SGCD: variants seen among roughly 807,000 people sequenced by gnomAD.
SGCD encodes sarcoglycan delta.
Under a neutral mutation model 36.6 loss-of-function variants are expected in SGCD, and 18 were observed. The observed-to-expected ratio is 0.49, with a 90% CI of 0.34 to 0.73. SGCD has a LOEUF of 0.73. Among genes scored for constraint, SGCD ranks in the 30% least tolerant of loss-of-function variants. The pLI, the probability that SGCD is intolerant of heterozygous loss-of-function variation, is 0.01. For synonymous variants in SGCD, 133 were observed against 130.6 expected, an observed-to-expected ratio of 1.02 and a Z score of -0.12; for missense variants, 387 against 346.7, an observed-to-expected ratio of 1.12 and a Z score of -0.92.
intron 1 of SGCD, among the ~76,000 whole-genome samples, chr5:156,000,799 C>CACATATATATATAT (rs1554110713): frequency 6.9e-6 from 1 of 145,212 alleles, no homozygotes; most frequent in African/African-American, 2.7e-5. Context: ...TTTCCTCACA[C>CACATATATATATAT]ATATATATAT....
intron 3 of SGCD, among the ~76,000 whole-genome samples, chr5:156,381,794 C>T (rs1379078429): frequency 6.6e-6 from 1 of 152,054 alleles, no homozygotes; most frequent in Non-Finnish European, 1.5e-5. Context: ...ACAGTCCGCT[C>T]AAAGCTGGGG....
chr5:156,519,027 C>CA (rs886692875), intron 4 of SGCD, among the ~76,000 whole-genome samples: 19 of 149,142 alleles, frequency 1.3e-4, no homozygotes, highest in Non-Finnish European at 1.8e-4. Context: ...GTTGGAGACA[C>CA]AAAAAAAATT....
intron 3 of SGCD, among the ~76,000 whole-genome samples, chr5:156,177,076 A>G (rs1288172963): frequency 6.6e-6 from 1 of 152,112 alleles, no homozygotes; most frequent in Non-Finnish European, 1.5e-5. Flanking sequence ...ATCTCGGCTC[A>G]CTGCAACCTC....
In SGCD at chr5:156,286,660, A is replaced by T. The variant is rs796771955; in HGVS notation, c.-43-42874A>T. On this transcript the variant is annotated intron_variant, in intron 3 of 9. Coordinates refer to the SGCD transcript ENST00000517913. ...GGACACAGGAAGGGGAACATCACAC[A>T]CTGGGGCCTGTTGTGGGTTGGGGGA... 3.8e-4 allele frequency among the ~76,000 whole-genome samples: 58 copies of T among 152,096 alleles called. 1 individual carries two copies. Among genetic ancestry groups the T allele is most frequent in the African/African-American group, 1.3e-3 (55 of 41,496 alleles).
chr5:156,516,415 C>G (rs1370958456), intron 4 of SGCD, among the ~76,000 whole-genome samples: 1 of 152,180 alleles, frequency 6.6e-6, no homozygotes, highest in Non-Finnish European at 1.5e-5. Context: ...CCCCAGCAAA[C>G]TGCAGCAGCT....
intron 1 of SGCD, among the ~76,000 whole-genome samples, chr5:155,993,080 G>T (rs1267958989): frequency 1.3e-5 from 2 of 152,034 alleles, no homozygotes; most frequent in Admixed American, 1.3e-4. Flanking sequence ...ATCCAAACCA[G>T]CCAATCCTAA....
chr5:156,092,336 C>T (rs979084571), intron 1 of SGCD, among the ~76,000 whole-genome samples: 2 of 152,152 alleles, frequency 1.3e-5, no homozygotes, highest in African/African-American at 2.4e-5. Flanking sequence ...AAGATTTGGG[C>T]CTTCTGCAGA....
chr5:156,032,197 T>C (rs1286871523), intron 1 of SGCD, among the ~76,000 whole-genome samples: 1 of 152,188 alleles, frequency 6.6e-6, no homozygotes, highest in African/African-American at 2.4e-5. Context: ...AACATACTTC[T>C]ACAATATCAA....
chr5:156,475,505 C>G (rs1561719822), intron 3 of SGCD, among the ~76,000 whole-genome samples: 1 of 152,186 alleles, frequency 6.6e-6, no homozygotes, highest in South Asian at 2.1e-4. Flanking sequence ...ATTTAGAAAT[C>G]TTTGCTGACT....
chr5:156,034,350 A>C (rs1759436136), intron 1 of SGCD, among the ~76,000 whole-genome samples: 1 of 152,134 alleles, frequency 6.6e-6, no homozygotes, highest in Non-Finnish European at 1.5e-5. Flanking sequence ...CTAGATTTGG[A>C]CTCTGAAGTA....
intron 1 of SGCD, among the ~76,000 whole-genome samples, chr5:155,892,409 C>T (rs1221270871): frequency 3.0e-5 from 4 of 135,172 alleles, no homozygotes; most frequent in South Asian, 2.3e-4. Flanking sequence ...GAGCCAAGAT[C>T]GCGCCACTGC....
intron 3 of SGCD, among the ~76,000 whole-genome samples, chr5:156,500,576 C>T (rs952648196): frequency 7.9e-5 from 12 of 152,256 alleles, no homozygotes; most frequent in African/African-American, 2.4e-4. Context: ...GCAAGAAAAT[C>T]GCACTTTTTT....
intron 3 of SGCD, among the ~76,000 whole-genome samples, chr5:156,362,217 C>G (rs1363826741): frequency 5.9e-5 from 9 of 152,178 alleles, no homozygotes; most frequent in Admixed American, 5.2e-4. Context: ...GGCCATTTGA[C>G]CTTTACTGGC....
the SGCD span, among the ~76,000 whole-genome samples, chr5:155,777,988 G>C: frequency 6.6e-6 from 1 of 152,110 alleles, no homozygotes; most frequent in Non-Finnish European, 1.5e-5. Flanking sequence ...GCTCTAGAGA[G>C]ACATATATTC....
At chr5:156,590,406 C>T (rs1760681042) in intron 5 of SGCD, among the ~76,000 whole-genome samples, 2 of 152,048 alleles carry the variant, frequency 1.3e-5, no homozygotes, top group Admixed American at 6.6e-5. Context: ...AACTGCTGCC[C>T]GGCAGAGCCC....
chr5:156,423,670 A>T (rs1245277413), intron 3 of SGCD, among the ~76,000 whole-genome samples: 1 of 151,576 alleles, frequency 6.6e-6, no homozygotes, highest in African/African-American at 2.4e-5. Flanking sequence ...TCAAGAATAG[A>T]CCCAAGATCC....
chr5:156,146,545 T>G, intron 3 of SGCD, among the ~76,000 whole-genome samples: 1 of 152,224 alleles, frequency 6.6e-6, no homozygotes, highest in Non-Finnish European at 1.5e-5. Context: ...GACAAAGGTT[T>G]AGACATATTA....
chr5:156,571,530 C>T (rs554647939), intron 4 of SGCD, among the ~76,000 whole-genome samples: 1 of 152,092 alleles, frequency 6.6e-6, no homozygotes, highest in African/African-American at 2.4e-5. Context: ...TCTCTCTCCC[C>T]CTGAATGTAT....
the SGCD span, among the ~76,000 whole-genome samples, chr5:155,769,905 C>G: frequency 7.9e-5 from 12 of 152,200 alleles, no homozygotes; most frequent in South Asian, 1.5e-3. Context: ...CTTTCCTACG[C>G]CCTACACAAG....
Sources: allele counts gnomAD v4.1 joint callset (sites outside exome capture counted in the v4.1 genomes callset), GRCh38; gene constraint gnomAD v4.1.1; transcripts MANE v1.5; gene names NCBI Gene and HGNC (gene_info 2026-07-23, HGNC 2026-07-21).